Variants in F8 observed in about 807,000 individuals in gnomAD.
F8 encodes the protein antihemophilic factor.
Under a neutral mutation model 140.6 loss-of-function variants are expected in F8, and 12 were observed. That is an observed-to-expected ratio of 0.09 (90% CI 0.05 to 0.14). The LOEUF (loss-of-function observed/expected upper bound fraction) is 0.14. Among genes scored for constraint, F8 ranks in the 10% least tolerant of loss-of-function variants. The probability of loss-of-function intolerance (pLI) is 1.00; values close to 1 mark genes in which losing one functional copy is unlikely to be tolerated. For synonymous variants in F8, 585 were observed against 614.6 expected (o/e 0.95, Z 0.71); for missense variants, 1,354 against 1,720.7 (o/e 0.79, Z 3.77).
rs781972038 is a variant in F8, at chrX:155,012,201, C to T, written c.143+10209G>A. ...ATTTAGGAAAGGAAAAGAATCTCCA[C>T]ACTGAAAATAAGTGATTTTTACAGT... On this transcript the variant is annotated intron_variant, in intron 1 of 25. Coordinates refer to ENST00000360256, the MANE Select transcript of F8 (RefSeq NM_000132.4). Among the ~76,000 whole-genome samples, 3 of 112,334 alleles carry T rather than the reference C, an allele frequency of 2.7e-5. No individual in the cohort carries two copies. The Admixed American group carries it at 2.8e-4, about 11-fold the overall frequency.
At chrX:155,015,744 T>A (rs188811425) in intron 1 of F8, among the ~76,000 whole-genome samples, 68 of 112,009 alleles carry the variant, frequency 6.1e-4, no homozygotes, top group African/African-American at 2.2e-3. Flanking sequence ...GGATCATTCA[T>A]TCGTAACCCA....
chrX:154,844,886 G>T (rs2072551785), intron 25 of F8, among the ~76,000 whole-genome samples: 1 of 110,036 alleles, frequency 9.1e-6, no homozygotes, highest in Non-Finnish European at 1.9e-5. Context: ...CAAAGGGAAT[G>T]CTTCCAGTTT....
chrX:154,899,773 C>T (rs868910537), intron 21 of F8, 93 bp downstream of exon 21: 1 of 862,565 alleles, frequency 1.2e-6, no homozygotes, highest in Non-Finnish European at 1.7e-6. Context: ...TTAGTTTTCT[C>T]ATATTCATAG....
chrX:154,983,725 C>G (rs782421225), intron 6 of F8, among the ~76,000 whole-genome samples: 2 of 112,064 alleles, frequency 1.8e-5, no homozygotes, highest in East Asian at 5.6e-4. Flanking sequence ...TGATTCATGC[C>G]AAGGTGACCT....
At chrX:154,907,280 G>C (rs1316442076) in intron 14 of F8, among the ~76,000 whole-genome samples, 1 of 112,081 alleles carries the variant, frequency 8.9e-6, no homozygotes, top group Non-Finnish European at 1.9e-5. Flanking sequence ...CTGGTTGTGA[G>C]ATTCATCTAT....
At chrX:154,978,274 T>G (rs1557283189) in intron 6 of F8, among the ~76,000 whole-genome samples, 1 of 111,169 alleles carries the variant, frequency 9.0e-6, no homozygotes, top group African/African-American at 3.3e-5. Flanking sequence ...TAAAGAGATG[T>G]TGGCCAGTTT....
intron 14 of F8, chrX:154,909,401 A>G (rs2073053626): frequency 1.7e-5 from 2 of 117,113 alleles, no homozygotes; most frequent in Admixed American, 9.4e-5. Flanking sequence ...TCCACCCTTT[A>G]ACCAAGGCAT....
At chrX:154,969,675 A>G (rs1456251932) in intron 6 of F8, 123 bp from the exon 7 acceptor site, 1 of 593,704 alleles carries the variant, frequency 1.7e-6, no homozygotes, top group African/African-American at 2.2e-5. Context: ...CTTGTAAACA[A>G]ATTTATCAAG....
At chrX:154,916,130 T>G (rs1200795974) in intron 14 of F8, among the ~76,000 whole-genome samples, 1 of 112,433 alleles carries the variant, frequency 8.9e-6, no homozygotes, top group Non-Finnish European at 1.9e-5. Flanking sequence ...TATGTTGAAC[T>G]ATCTTTGTGT....
At chrX:154,978,513 A>G (rs1557283217) in intron 6 of F8, among the ~76,000 whole-genome samples, 1 of 112,133 alleles carries the variant, frequency 8.9e-6, no homozygotes, top group African/African-American at 3.2e-5. Context: ...TGTACAATTA[A>G]GTTATTATTA....
intron 22 of F8, among the ~76,000 whole-genome samples, chrX:154,876,025 C>T (rs2072809708): frequency 9.1e-6 from 1 of 110,194 alleles, no homozygotes; most frequent in Non-Finnish European, 1.9e-5. Flanking sequence ...ACTCATAGAA[C>T]ACCTGGGATT....
chrX:154,936,030 CAAAGT>C (rs1456738106), intron 13 of F8, among the ~76,000 whole-genome samples: 26 of 89,833 alleles, frequency 2.9e-4, no homozygotes, highest in Non-Finnish European at 5.7e-4. Flanking sequence ...ACACAAAAAT[CAAAGT>C]AAAGAGCTTG....
chrX:154,919,760 TAGCAACTACCACAGCTCTTGACA>T, intron 14 of F8: 1 of 317,729 alleles, frequency 3.1e-6, no homozygotes, highest in Non-Finnish European at 5.6e-6. Flanking sequence ...TCACAATATT[TAGCAACTACCACAGCTCTTGACA>T]AGCCAAATCA....
intron 1 of F8, among the ~76,000 whole-genome samples, chrX:155,013,837 C>T (rs782456700): frequency 6.3e-5 from 7 of 111,579 alleles, no homozygotes; most frequent in Admixed American, 4.7e-4. Context: ...GCTGCCTTCT[C>T]GCTGTATGTT....
intron 3 of F8, 123 bp from the exon 4 acceptor site, chrX:154,993,271 T>A: frequency 1.7e-6 from 1 of 600,804 alleles, no homozygotes; most frequent in Non-Finnish European, 2.6e-6. Flanking sequence ...TTTGTTGTTG[T>A]TGTTGTTGTT....
intron 14 of F8, among the ~76,000 whole-genome samples, chrX:154,923,782 A>G (rs781840527): frequency 4.9e-4 from 54 of 110,958 alleles, no homozygotes; most frequent in African/African-American, 1.6e-3. Context: ...TTGGGAGGGG[A>G]CAGGGGGAAT....
At chrX:154,905,710 G>C (rs1314166061) in intron 15 of F8, among the ~76,000 whole-genome samples, 1 of 111,565 alleles carries the variant, frequency 9.0e-6, no homozygotes, top group Non-Finnish European at 1.9e-5. Context: ...AAAATCTCTG[G>C]ATAGGCAGGA....
chrX:154,983,649 C>T (rs907034955), intron 6 of F8, among the ~76,000 whole-genome samples: 1 of 112,183 alleles, frequency 8.9e-6, no homozygotes, highest in Admixed American at 9.4e-5. Context: ...GTGGTCAGAG[C>T]CCTGCCTGTC....
At chrX:154,916,770 T>G (rs1356882599) in intron 14 of F8, among the ~76,000 whole-genome samples, 1 of 111,130 alleles carries the variant, frequency 9.0e-6, no homozygotes, top group Non-Finnish European at 1.9e-5. Flanking sequence ...TTTCATATTG[T>G]TTTCTTTTTC....
Sources: allele counts gnomAD v4.1 joint callset (sites outside exome capture counted in the v4.1 genomes callset), GRCh38; gene constraint gnomAD v4.1.1; transcripts MANE v1.5; gene names NCBI Gene and HGNC (gene_info 2026-07-23, HGNC 2026-07-21).